Variants in CLP1 observed in about 807,000 individuals in gnomAD.
The protein encoded by CLP1 is polyribonucleotide 5'-hydroxyl-kinase Clp1.
Under a neutral mutation model 29.9 loss-of-function variants are expected in CLP1, and 18 were observed. The ratio of observed to expected loss-of-function variants is 0.60; its 90% CI spans 0.42 to 0.89. CLP1 has a LOEUF of 0.89. Ranked by LOEUF, CLP1 falls within the 40% of genes least tolerant of loss-of-function variation. The pLI, the probability that CLP1 is intolerant of heterozygous loss-of-function variation, is 0.00. For synonymous variants in CLP1, 162 were observed against 206.2 expected, an observed-to-expected ratio of 0.79 and a Z score of 1.84; for missense variants, 357 against 544.8, an observed-to-expected ratio of 0.66 and a Z score of 3.43.
chr11:57,660,007 T>G lies in CLP1; in HGVS notation c.531T>G (p.Gly177=). The change falls in exon 2 of 3, where the codon GGT becomes GGG. Residue 177 remains glycine (G), a synonymous_variant. Coordinates refer to ENST00000533682, the MANE Select transcript of CLP1 (RefSeq NM_006831.3). ...YIERPADVEE[G]FSIQAPLVYH... is the part of the protein sequence containing the mutation. ...AGCGGCCTGCAGATGTCGAAGAGGG[T>G]TTCTCTATCCAGGCCCCTCTGGTGT... The G allele has an allele frequency of 6.2e-7, 1 of 1,613,044 alleles. No individual in the cohort carries two copies. The highest frequency in any genetic ancestry group is 8.5e-7 in the Non-Finnish European group (1 of 1,179,598).
At chr11:57,659,420 T>G (rs780034208) in intron 1 of CLP1, 35 bp from the exon 2 acceptor site, 26 of 1,595,660 alleles carry the variant, frequency 1.6e-5, no homozygotes, top group Non-Finnish European at 4.3e-6. Flanking sequence ...GAAGACTGAC[T>G]TATAATTAGA....
Position 57,660,751 on chromosome 11 carries a change from C to T in CLP1, c.607-14C>T. 1.3e-6 allele frequency: 2 copies of T among 1,556,358 alleles called. No homozygotes were observed. Among genetic ancestry groups the T allele is most frequent in the South Asian group, 2.4e-5 (2 of 82,022 alleles). ...TGGGTGTTTTTGTTCTTACCTTGAT[C>T]CTCTCTTTTGCAGATTACATCTCGT... On this transcript the variant is annotated splice_polypyrimidine_tract_variant and intron_variant, in intron 2 of 2. Transcript: ENST00000533682.
rs747360654 is a variant in CLP1 at position 57,660,821 on chromosome 11, A to T, written c.663A>T (p.Ala221=). The change falls in exon 3 of 3, where the codon GCA becomes GCT. Residue 221 remains alanine, a synonymous_variant. Coordinates refer to ENST00000533682, the MANE Select transcript of CLP1 (RefSeq NM_006831.3). ...FNQRCEVNRR[A]SVSGCVINTC... Reference sequence around the variant, plus strand: ...AAAGGTGTGAGGTGAACCGAAGGGCATCTGTGAGTGGCTGTGTCATTAACA... The same window carrying T: ...AAAGGTGTGAGGTGAACCGAAGGGCTTCTGTGAGTGGCTGTGTCATTAACA... 1.9e-6 allele frequency: 3 copies of T among 1,613,026 alleles called. No homozygotes were observed. In the Admixed American group the frequency reaches 5.0e-5, roughly 27 times the overall value.
At chr11:57,658,606 T>C (rs1197017508) in intron 1 of CLP1, among the ~76,000 whole-genome samples, 1 of 152,072 alleles carries the variant, frequency 6.6e-6, no homozygotes, top group Admixed American at 6.6e-5. Context: ...TATGTTTTTA[T>C]TATTTATTTA....
In CLP1 at chr11:57,659,451, C is replaced by G; in HGVS notation, c.-22-4C>G. ...TTAGATCTGATATTTAATTTGTGTT[C>G]TAGGCACAGCAGCTACACAGAAGAG... On this transcript the variant is annotated splice_region_variant and splice_polypyrimidine_tract_variant and intron_variant, in intron 1 of 2. Transcript: ENST00000533682. 1 of 1,612,514 alleles carries G rather than the reference C, an allele frequency of 6.2e-7. No homozygotes were observed. The highest frequency in any genetic ancestry group is 8.5e-7 in the Non-Finnish European group (1 of 1,178,944).
At chr11:57,658,100 CTG>C (rs1945838798) in intron 1 of CLP1, among the ~76,000 whole-genome samples, 1 of 152,176 alleles carries the variant, frequency 6.6e-6, no homozygotes, top group African/African-American at 2.4e-5. Flanking sequence ...AAGAACAACA[CTG>C]TATTTGAGGA....
Position 57,660,943 on chromosome 11 carries a change from T to G in CLP1, c.785T>G (p.Leu262Arg), listed in dbSNP as rs982882973. 4 of 1,614,102 alleles carry G rather than the reference T, an allele frequency of 2.5e-6. No homozygotes were observed. The highest frequency in any genetic ancestry group is 3.4e-6 in the Non-Finnish European group (4 of 1,180,048). ...DVVVVLDQER[L>R]YNELKRDLPH... ...GTTGTTGTTCTGGATCAAGAACGACTGTACAATGAACTGAAACGGGACCTC... is the reference window on the plus strand; with the variant it reads ...GTTGTTGTTCTGGATCAAGAACGACGGTACAATGAACTGAAACGGGACCTC... The change falls in exon 3 of 3, where the codon CTG (leucine) becomes CGG (arginine). Residue 262 changes from leucine (L) to arginine (R), a missense_variant. Transcript: ENST00000533682.
chr11:57,660,170 T>TCAGCAGAAATAC, intron 2 of CLP1, 88 bp downstream of exon 2: 3 of 1,353,880 alleles, frequency 2.2e-6, no homozygotes, highest in Non-Finnish European at 3.0e-6. Context: ...CTGCATTTTC[T>TCAGCAGAAATAC]CAGCTGGTAT....
At position 57,661,486 on chromosome 11, in the gene CLP1, C is replaced by T; in HGVS notation, c.*50C>T. On this transcript the variant is annotated 3_prime_UTR_variant, in exon 3 of 3. Coordinates refer to ENST00000533682, the MANE Select transcript of CLP1 (RefSeq NM_006831.3). ...TGGGACATAGAGATCATCTGGCCACCCCTAGAGGCAGATGGGCTGAGATAA... is the reference window on the plus strand; with the variant it reads ...TGGGACATAGAGATCATCTGGCCACTCCTAGAGGCAGATGGGCTGAGATAA... 1 of 1,468,830 alleles carries T rather than the reference C, an allele frequency of 6.8e-7. No homozygotes were observed. Among genetic ancestry groups the T allele is most frequent in the African/African-American group, 1.4e-5 (1 of 71,398 alleles). 91.0% of individuals were successfully genotyped at this position (1,468,830 alleles called of 1,614,324 possible). A position where few individuals can be genotyped will look rare whatever the true frequency, so the allele number is the denominator to read the frequency against.
At position 57,659,567 on chromosome 11, in the gene CLP1, C is replaced by T; in HGVS notation, c.91C>T (p.Gln31Ter). 1 of 1,614,104 alleles carries T rather than the reference C, an allele frequency of 6.2e-7. No individual in the cohort carries two copies. The highest frequency in any genetic ancestry group is 1.1e-5 in the South Asian group (1 of 91,074). The change falls in exon 2 of 3, where the codon CAG (glutamine) becomes TAG (stop). Residue 31 changes from glutamine to a stop codon, truncating the protein, a stop_gained. Transcript: ENST00000533682. LOFTEE classifies it high-confidence loss of function. Reference sequence around the variant, plus strand: ...ACTTCGCTTTGAGGTGGAGGCATCTCAGTCAGTTCAGTTGGAGTTGTTGAC... The same window carrying T: ...ACTTCGCTTTGAGGTGGAGGCATCTTAGTCAGTTCAGTTGGAGTTGTTGAC... ...TELRFEVEAS[Q>*]SVQLELLTGM...
chr11:57,661,250 C>CCTA lies in CLP1; in HGVS notation c.1095_1097dup (p.Leu366dup). On this transcript the variant is annotated inframe_insertion, in exon 3 of 3. Coordinates refer to ENST00000533682, the MANE Select transcript of CLP1 (RefSeq NM_006831.3). ...CTCCTGGGCGAGATATGGTGCACCA[C>CCTA]CTACTGAGTGTTAGCACTGCCGAGG... 6.2e-7 allele frequency: 1 copy of CCTA among 1,614,226 alleles called. No homozygotes were observed. Among genetic ancestry groups the CCTA allele is most frequent in the Non-Finnish European group, 8.5e-7 (1 of 1,180,040 alleles).
chr11:57,659,312 C>A, intron 1 of CLP1, 143 bp from the exon 2 acceptor site: 1 of 706,368 alleles, frequency 1.4e-6, no homozygotes, highest in Non-Finnish European at 2.3e-6. Flanking sequence ...TAGTCTTGAA[C>A]TCCTGACCTC....
rs200305079 is a variant in CLP1 at position 57,659,654 on chromosome 11, G to T, written c.178G>T (p.Gly60Cys). The change falls in exon 2 of 3, where the codon GGT (glycine) becomes TGT (cysteine). Residue 60 changes from glycine to cysteine, a missense_variant. Physicochemically the swap from Gly to Cys is radical, Grantham distance 159 (BLOSUM62 -3). Coordinates refer to ENST00000533682, the MANE Select transcript of CLP1 (RefSeq NM_006831.3). Reference sequence around the variant, plus strand: ...AAACAAGAAATTCACCTTTGATGCTGGTGCCAAGGTGGCTGTTTTCACTTG... The same window carrying T: ...AAACAAGAAATTCACCTTTGATGCTTGTGCCAAGGTGGCTGTTTTCACTTG... ...TRNKKFTFDAGAKVAVFTWHG... is the reference protein window; with the variant it reads ...TRNKKFTFDACAKVAVFTWHG... The T allele has an allele frequency of 8.8e-5, 142 of 1,614,018 alleles. No individual in the cohort carries two copies. The highest frequency in any genetic ancestry group is 1.1e-4 in the Non-Finnish European group (134 of 1,180,038).
chr11:57,660,178 T>C, intron 2 of CLP1, 96 bp downstream of exon 2: 1 of 1,281,426 alleles, frequency 7.8e-7, no homozygotes, highest in East Asian at 2.4e-5. Flanking sequence ...TCTCAGCTGG[T>C]ATTTCTGCTG....
At position 57,661,449 on chromosome 11, in the gene CLP1, AGCCTTGCT is replaced by A; in HGVS notation, c.*18_*25del. 2 of 1,592,754 alleles carry A rather than the reference AGCCTTGCT, an allele frequency of 1.3e-6. No homozygotes were observed. The highest frequency in any genetic ancestry group is 8.6e-7 in the Non-Finnish European group (1 of 1,168,312). ...GGATCTGAAGTAGAGATCAGCAGGAAGCCTTGCTGCCTGGGACATAGAGATCATCTGGC... is the reference window on the plus strand; with the variant it reads ...GGATCTGAAGTAGAGATCAGCAGGAAGCCTGGGACATAGAGATCATCTGGC... On this transcript the variant is annotated 3_prime_UTR_variant, in exon 3 of 3. Transcript: ENST00000533682.
Position 57,661,639 on chromosome 11 carries a change from A to G in CLP1, c.*203A>G. 1 of 560,462 alleles carries G rather than the reference A, an allele frequency of 1.8e-6. No individual in the cohort carries two copies. Among genetic ancestry groups the G allele is most frequent in the South Asian group, 2.4e-5 (1 of 41,366 alleles). 34.7% of individuals were successfully genotyped at this position (560,462 alleles called of 1,614,324 possible). A position where few individuals can be genotyped will look rare whatever the true frequency, so the allele number is the denominator to read the frequency against. On this transcript the variant is annotated 3_prime_UTR_variant, in exon 3 of 3. Coordinates refer to ENST00000533682, the MANE Select transcript of CLP1 (RefSeq NM_006831.3). ...CCAAAAGGAAAACCATGAGACTGTAATTGGTTTCTTAGACCACCTAAGATG... is the reference window on the plus strand; with the variant it reads ...CCAAAAGGAAAACCATGAGACTGTAGTTGGTTTCTTAGACCACCTAAGATG...
rs1295194077 is a variant in CLP1, at chr11:57,659,894, C to T, written c.418C>T (p.Arg140Cys). 2 of 1,614,188 alleles carry T rather than the reference C, an allele frequency of 1.2e-6. No homozygotes were observed. Among genetic ancestry groups the T allele is most frequent in the Non-Finnish European group, 1.7e-6 (2 of 1,180,032 alleles). ...TCGCCTTCTGCTCAACTACGCAGTG[C>T]GTTTGGGCCGCCGTCCCACTTATGT... ...VCRLLLNYAV[R>C]LGRRPTYVEL... Residue 140 changes from arginine (R) to cysteine (C), a missense_variant, in exon 2 of 3, where the codon CGT becomes TGT. Physicochemically the swap from Arg to Cys is radical, Grantham distance 180. Transcript: ENST00000533682.
In CLP1 at chr11:57,659,745, T is replaced by A. The variant is rs1254547929; in HGVS notation, c.269T>A (p.Met90Lys). The change falls in exon 2 of 3, where the codon ATG becomes AAG. Residue 90 changes from methionine to lysine, a missense_variant. Transcript: ENST00000533682. The stretch of plus-strand genomic sequence containing the variant: ...GCTTATGTCTCCAAGGACACTCCTA[T>A]GTTGCTTTACCTCAACACTCACACA... ...EVAYVSKDTPMLLYLNTHTAL... is the reference protein window; with the variant it reads ...EVAYVSKDTPKLLYLNTHTAL... 1 of 1,614,130 alleles carries A rather than the reference T, an allele frequency of 6.2e-7. No homozygotes were observed. The highest frequency in any genetic ancestry group is 2.2e-5 in the East Asian group (1 of 44,880).
At chr11:57,660,516 G>A (rs1011102498) in intron 2 of CLP1, among the ~76,000 whole-genome samples, 4 of 152,130 alleles carry the variant, frequency 2.6e-5, no homozygotes, top group Non-Finnish European at 4.4e-5. Context: ...GTAGCTGGGC[G>A]TGGTGGCTGG....
Sources: gnomAD v4.1 joint callset for allele counts (sites outside exome capture counted in the v4.1 genomes callset) on GRCh38, gnomAD v4.1.1 for gene constraint, MANE v1.5 for transcripts, NCBI Gene and HGNC (gene_info 2026-07-23, HGNC 2026-07-21) for gene names.